Variants in DTNA observed in about 807,000 individuals in gnomAD.
DTNA encodes the protein dystrophin-related protein 3.
DTNA carries 43 observed loss-of-function variants against 100.7 expected under a neutral mutation model. The observed-to-expected ratio is 0.43, with a 90% CI of 0.33 to 0.55. The LOEUF (loss-of-function observed/expected upper bound fraction) is 0.55. DTNA is among the 20% of genes least tolerant of loss of function. DTNA has a pLI of 0.04. For missense variants in DTNA, 798 were observed against 953.9 expected, an observed-to-expected ratio of 0.84 and a Z score of 2.15; for synonymous variants, 349 against 347.9, an observed-to-expected ratio of 1.00 and a Z score of -0.04.
intron 1 of DTNA, among the ~76,000 whole-genome samples, chr18:34,563,875 GGTT>G (rs1182208009): frequency 2.6e-5 from 4 of 152,088 alleles, no homozygotes; most frequent in African/African-American, 7.2e-5. Flanking sequence ...ACTAAGAAAA[GGTT>G]GTTGTAATAA....
intron 1 of DTNA, among the ~76,000 whole-genome samples, chr18:34,587,368 T>TAGTC (rs71159878): frequency 0.1 from 15,579 of 152,018 alleles, 1,151 homozygotes; most frequent in African/African-American, 0.2. Context: ...TATGTTTCCT[T>TAGTC]AGTCAGTCTC....
At chr18:34,730,756 A>G (rs1235026646) in intron 1 of DTNA, among the ~76,000 whole-genome samples, 4 of 152,080 alleles carry the variant, frequency 2.6e-5, no homozygotes, top group African/African-American at 9.7e-5. Context: ...TCACCCTAAT[A>G]TCTATGCACA....
Position 34,509,034 on chromosome 18 carries a change from G to C in DTNA, c.-2+15520G>C, listed in dbSNP as rs999264860. On this transcript the variant is annotated intron_variant, in intron 1 of 19. Coordinates refer to the DTNA transcript ENST00000283365. ...TCTTTTTATTCCTTCTGTTTCATTT[G>C]TGCATTCAATTTGATACTATTTATC... Among the ~76,000 whole-genome samples the C allele has an allele frequency of 5.3e-5, 8 of 152,056 alleles. No homozygotes were observed. In the South Asian group the frequency reaches 1.5e-3, roughly 28 times the overall value.
intron 4 of DTNA, among the ~76,000 whole-genome samples, chr18:34,800,837 A>G (rs938235478): frequency 5.9e-5 from 9 of 152,186 alleles, no homozygotes; most frequent in Non-Finnish European, 1.2e-4. Flanking sequence ...CCTACCGATC[A>G]ATATCTATTT....
chr18:34,644,995 C>T (rs1401392776), intron 1 of DTNA, among the ~76,000 whole-genome samples: 1 of 152,018 alleles, frequency 6.6e-6, no homozygotes, highest in African/African-American at 2.4e-5. Context: ...GTCCTTAGTG[C>T]ACATTTGTAA....
intron 1 of DTNA, among the ~76,000 whole-genome samples, chr18:34,534,529 G>T (rs2043482366): frequency 6.6e-6 from 1 of 151,826 alleles, no homozygotes; most frequent in Non-Finnish European, 1.5e-5. Context: ...AGAACATGCA[G>T]GTTTGTTAGA....
intron 1 of DTNA, among the ~76,000 whole-genome samples, chr18:34,594,783 CT>C (rs937190950): frequency 3.9e-5 from 6 of 152,134 alleles, no homozygotes; most frequent in African/African-American, 1.4e-4. Context: ...TCTGATGCCC[CT>C]TTCCTCCTTT....
intron 16 of DTNA, among the ~76,000 whole-genome samples, chr18:34,863,004 A>T (rs1349310137): frequency 9.9e-5 from 15 of 152,210 alleles, no homozygotes; most frequent in Admixed American, 9.8e-4. Context: ...ATTAATACAT[A>T]CATGTTTAAA....
chr18:34,845,111 T>C (rs1441482643), intron 13 of DTNA, among the ~76,000 whole-genome samples: 1 of 152,200 alleles, frequency 6.6e-6, no homozygotes, highest in East Asian at 1.9e-4. Flanking sequence ...ATTTAGGGAT[T>C]GTTGATCATT....
chr18:34,890,391 G>A lies in DTNA; in HGVS notation c.*2657G>A. 5 of 1,536,114 alleles carry A rather than the reference G, an allele frequency of 3.3e-6. No individual in the cohort carries two copies. The South Asian group carries it at 5.9e-5, about 18-fold the overall frequency. On this transcript the variant is annotated 3_prime_UTR_variant, in exon 23 of 23. Transcript: ENST00000444659. The stretch of plus-strand genomic sequence containing the variant: ...TTATTTTGGGGTTTTGTGTTTTTTG[G>A]TGGGTTTCTTTCCTTGGCTCTCCAG...
At chr18:34,873,903 T>C (rs2096789664) in intron 17 of DTNA, among the ~76,000 whole-genome samples, 1 of 152,156 alleles carries the variant, frequency 6.6e-6, no homozygotes. Context: ...GGCAAAGTTC[T>C]CTTCCTTGGG....
chr18:34,815,891 G>A lies in DTNA; in HGVS notation c.604-18G>A, dbSNP rs1568620170. On this transcript the variant is annotated intron_variant, in intron 6 of 22. Transcript: ENST00000444659. Reference sequence around the variant, plus strand: ...GATGATTCTCTGTCCTAAATTTATGGGGGGTTTTTTTATGCAGAAAAAAGT... The same window carrying A: ...GATGATTCTCTGTCCTAAATTTATGAGGGGTTTTTTTATGCAGAAAAAAGT... 2 of 1,603,998 alleles carry A rather than the reference G, an allele frequency of 1.2e-6. No homozygotes were observed. The highest frequency in any genetic ancestry group is 8.5e-7 in the Non-Finnish European group (1 of 1,171,036).
chr18:34,793,545 T>A (rs2094840526), intron 3 of DTNA, among the ~76,000 whole-genome samples: 1 of 152,208 alleles, frequency 6.6e-6, no homozygotes, highest in Admixed American at 6.5e-5. Flanking sequence ...AACACATAAA[T>A]AAATGAAAAC....
At chr18:34,582,538 C>T (rs569721073) in intron 1 of DTNA, among the ~76,000 whole-genome samples, 1 of 152,254 alleles carries the variant, frequency 6.6e-6, no homozygotes, top group South Asian at 2.1e-4. Context: ...CTCCCAACCC[C>T]CTTGACTGTG....
intron 1 of DTNA, among the ~76,000 whole-genome samples, chr18:34,701,052 G>A (rs557916456): frequency 6.6e-5 from 10 of 152,138 alleles, no homozygotes; most frequent in Non-Finnish European, 1.0e-4. Flanking sequence ...CACATGCTCC[G>A]TCTCTCTGCC....
At chr18:34,672,606 A>T (rs1312401584) in intron 1 of DTNA, among the ~76,000 whole-genome samples, 1 of 152,214 alleles carries the variant, frequency 6.6e-6, no homozygotes, top group Non-Finnish European at 1.5e-5. Flanking sequence ...GCCACTACTG[A>T]TGTCTCATAT....
At chr18:34,810,999 A>C (rs1011830930) in intron 5 of DTNA, among the ~76,000 whole-genome samples, 1 of 152,198 alleles carries the variant, frequency 6.6e-6, no homozygotes, top group Non-Finnish European at 1.5e-5. Context: ...TGTAAAAACA[A>C]TGTTCCCAGA....
intron 2 of DTNA, among the ~76,000 whole-genome samples, chr18:34,760,708 G>A (rs1011110687): frequency 1.3e-5 from 2 of 152,130 alleles, no homozygotes; most frequent in African/African-American, 4.8e-5. Flanking sequence ...TCAGAAGTGG[G>A]GAGAGCACTC....
rs972917922 is a variant in DTNA, at chr18:34,659,633, G to C, written c.-1-96343G>C. 5.5e-3 allele frequency among the ~76,000 whole-genome samples: 807 copies of C among 146,968 alleles called. 9 individuals carry two copies. Among genetic ancestry groups the C allele is most frequent in the African/African-American group, 0.019 (750 of 39,508 alleles). On this transcript the variant is annotated intron_variant, in intron 1 of 19. Coordinates refer to the DTNA transcript ENST00000283365. ...GTACACATACACACAGACACACACA[G>C]ACACACACACACACACACACACACT... is the stretch of plus-strand genomic sequence containing the variant.
Sources: allele counts gnomAD v4.1 joint callset (sites outside exome capture counted in the v4.1 genomes callset), GRCh38; gene constraint gnomAD v4.1.1; transcripts MANE v1.5; gene names NCBI Gene and HGNC (gene_info 2026-07-23, HGNC 2026-07-21).